Variants in RNF128 observed in about 807,000 individuals in gnomAD.
The protein encoded by RNF128 is E3 ubiquitin-protein ligase RNF128.
In RNF128, 13 loss-of-function variants were observed where a neutral mutation model predicts 26.2. That is an observed-to-expected ratio of 0.50 (90% CI 0.32 to 0.79). RNF128 has a LOEUF of 0.79. RNF128 is among the 30% of genes least tolerant of loss of function. RNF128 has a pLI of 0.03. For missense variants in RNF128, 315 were observed against 349.7 expected (o/e 0.90, Z 0.79); for synonymous variants, 149 against 142.5 (o/e 1.05, Z -0.32).
At chrX:106,792,464 A>G (rs746449944) in intron 6 of RNF128, among the ~76,000 whole-genome samples, 18 of 110,898 alleles carry the variant, frequency 1.6e-4, no homozygotes, top group Non-Finnish European at 1.1e-4. Context: ...TGTATTCTTA[A>G]TTTGGATGAT....
At chrX:106,694,093 T>C in exon 1 of RNF128, 1 of 1,208,306 alleles carries the variant, frequency 8.3e-7, no homozygotes, top group Non-Finnish European at 1.1e-6. Context: ...AATGAGTGCC[T>C]ATGTGACTGT....
chrX:106,721,195 T>C (rs970027684), intron 1 of RNF128, among the ~76,000 whole-genome samples: 1 of 112,212 alleles, frequency 8.9e-6, no homozygotes, highest in Non-Finnish European at 1.9e-5. Context: ...GCTATCTACA[T>C]AGAGCAGCTG....
intron 1 of RNF128, among the ~76,000 whole-genome samples, chrX:106,763,727 C>G (rs1257682542): frequency 9.1e-6 from 1 of 110,116 alleles, no homozygotes; most frequent in Non-Finnish European, 1.9e-5. Flanking sequence ...AGGATGGTCT[C>G]GATCTCCTGA....
intron 1 of RNF128, among the ~76,000 whole-genome samples, chrX:106,760,962 A>C (rs941715722): frequency 7.1e-5 from 8 of 112,216 alleles, no homozygotes; most frequent in African/African-American, 1.9e-4. Context: ...AGCAAAAGAA[A>C]CTATCAACAG....
chrX:106,787,863 T>C (rs1043613686), intron 3 of RNF128, 55 bp from the exon 4 acceptor site: 7 of 816,733 alleles, frequency 8.6e-6, no homozygotes, highest in Middle Eastern at 5.6e-4. Context: ...TCTTGTTCTG[T>C]AGTTTAATGT....
intron 2 of RNF128, among the ~76,000 whole-genome samples, chrX:106,783,666 G>A (rs1216546377): frequency 9.0e-6 from 1 of 111,354 alleles, no homozygotes; most frequent in East Asian, 2.8e-4. Flanking sequence ...AGTCGGGTTT[G>A]TGTTGCTGTA....
chrX:106,696,684 C>A (rs1470338220), intron 1 of RNF128, among the ~76,000 whole-genome samples: 1 of 111,163 alleles, frequency 9.0e-6, no homozygotes, highest in Non-Finnish European at 1.9e-5. Flanking sequence ...TCTGGCTCCC[C>A]CTACCTCTTC....
intron 1 of RNF128, among the ~76,000 whole-genome samples, chrX:106,700,276 G>A (rs1928937588): frequency 9.1e-6 from 1 of 110,437 alleles, no homozygotes; most frequent in African/African-American, 3.3e-5. Context: ...CTTCTGCCTC[G>A]ACATCCCAAA....
At chrX:106,771,930 T>A (rs1211047380) in intron 1 of RNF128, among the ~76,000 whole-genome samples, 6 of 112,504 alleles carry the variant, frequency 5.3e-5, no homozygotes, top group African/African-American at 1.9e-4. Context: ...CAGATTGGAG[T>A]TGGATCATTA....
At chrX:106,765,425 A>G (rs1930200713) in intron 1 of RNF128, among the ~76,000 whole-genome samples, 1 of 111,813 alleles carries the variant, frequency 8.9e-6, no homozygotes, top group Non-Finnish European at 1.9e-5. Flanking sequence ...TAATTTGAAA[A>G]TTAAAACTGT....
chrX:106,733,278 T>C lies in RNF128; in HGVS notation c.484+5881T>C, dbSNP rs1179437165. Among the ~76,000 whole-genome samples the C allele has an allele frequency of 7.2e-5, 8 of 111,183 alleles. No homozygotes were observed. The East Asian group carries it at 2.3e-3, about 31-fold the overall frequency. On this transcript the variant is annotated intron_variant, in intron 1 of 6. Transcript: ENST00000255499. Reference sequence around the variant, plus strand: ...CCATGGATACTGAGGGATGACTATATAGCTTGATCAGTGAATTGTTTTCTA... The same window carrying C: ...CCATGGATACTGAGGGATGACTATACAGCTTGATCAGTGAATTGTTTTCTA...
chrX:106,779,977 T>C (rs993540376), intron 2 of RNF128, among the ~76,000 whole-genome samples: 2 of 112,124 alleles, frequency 1.8e-5, no homozygotes, highest in Non-Finnish European at 3.8e-5. Flanking sequence ...TTTAAATATC[T>C]TGTGTTAAAA....
At chrX:106,714,095 G>A (rs1209880202) in intron 1 of RNF128, among the ~76,000 whole-genome samples, 1 of 107,773 alleles carries the variant, frequency 9.3e-6, no homozygotes, top group Non-Finnish European at 1.9e-5. Context: ...GGAGAATGGC[G>A]TGAACCCAGG....
intron 6 of RNF128, among the ~76,000 whole-genome samples, chrX:106,793,300 A>G (rs1228232513): frequency 9.0e-6 from 1 of 111,263 alleles, no homozygotes; most frequent in Admixed American, 9.6e-5. Context: ...AACTTTGCTG[A>G]TGTTTGGACT....
chrX:106,757,918 C>T (rs956441962), intron 1 of RNF128, among the ~76,000 whole-genome samples: 2 of 110,917 alleles, frequency 1.8e-5, no homozygotes, highest in Non-Finnish European at 3.8e-5. Flanking sequence ...TGTTATGCAA[C>T]GTAGTACTGG....
intron 1 of RNF128, among the ~76,000 whole-genome samples, chrX:106,737,881 A>T (rs1466885102): frequency 1.8e-5 from 2 of 112,168 alleles, no homozygotes; most frequent in East Asian, 2.8e-4. Context: ...CTGAAACTGG[A>T]TGGTGTGAAA....
At chrX:106,716,623 A>T (rs187268396) in intron 1 of RNF128, among the ~76,000 whole-genome samples, 6 of 110,791 alleles carry the variant, frequency 5.4e-5, no homozygotes, top group Non-Finnish European at 9.4e-5. Context: ...TTAGGAAAAA[A>T]TCATACCAGC....
chrX:106,732,239 C>T (rs1031021235), intron 1 of RNF128, among the ~76,000 whole-genome samples: 3 of 111,831 alleles, frequency 2.7e-5, no homozygotes, highest in Non-Finnish European at 5.6e-5. Context: ...TTCCTCTTCC[C>T]AGCACAGCCC....
intron 1 of RNF128, among the ~76,000 whole-genome samples, chrX:106,750,429 G>A (rs1929862891): frequency 8.9e-6 from 1 of 111,981 alleles, no homozygotes; most frequent in African/African-American, 3.2e-5. Flanking sequence ...TGTTACCCTA[G>A]GCAGTTAGTC....
Sources: gnomAD v4.1 joint callset for allele counts (sites outside exome capture counted in the v4.1 genomes callset) on GRCh38, gnomAD v4.1.1 for gene constraint, MANE v1.5 for transcripts, NCBI Gene and HGNC (gene_info 2026-07-23, HGNC 2026-07-21) for gene names.